PHLDB2: variants seen among roughly 807,000 people sequenced by gnomAD.
PHLDB2 encodes pleckstrin homology like domain family B member 2, also known as pleckstrin homology-like domain family B member 2.
PHLDB2 carries 71 observed loss-of-function variants against 123.6 expected under a neutral mutation model. That is an observed-to-expected ratio of 0.57 (90% CI 0.47 to 0.70). The LOEUF is 0.70. Ranked by LOEUF, PHLDB2 falls within the 30% of genes least tolerant of loss-of-function variation. The pLI is 0.00. For missense variants in PHLDB2, 1,446 were observed against 1,519.5 expected, an observed-to-expected ratio of 0.95 and a Z score of 0.80; for synonymous variants, 547 against 541.6, an observed-to-expected ratio of 1.01 and a Z score of -0.14.
intron 3 of PHLDB2, 165 bp downstream of exon 3, chr3:111,913,867 T>A (rs774103772): frequency 1.0e-5 from 9 of 893,810 alleles, no homozygotes; most frequent in Non-Finnish European, 1.5e-5. Flanking sequence ...TTAGGGTGTT[T>A]ACTGTAAAGT....
intron 1 of PHLDB2, among the ~76,000 whole-genome samples, chr3:111,794,818 C>G (rs2061084496): frequency 6.6e-6 from 1 of 152,126 alleles, no homozygotes; most frequent in South Asian, 2.1e-4. Context: ...TTGCTTGAGG[C>G]CTGCTCACTT....
At chr3:111,911,909 T>A (rs923089367) in intron 2 of PHLDB2, among the ~76,000 whole-genome samples, 5 of 152,214 alleles carry the variant, frequency 3.3e-5, no homozygotes, top group Non-Finnish European at 7.3e-5. Context: ...CCTATTTGAC[T>A]TTTCTACTTG....
At chr3:111,875,235 G>A (rs1007569385) in intron 1 of PHLDB2, among the ~76,000 whole-genome samples, 2 of 151,828 alleles carry the variant, frequency 1.3e-5, no homozygotes, top group African/African-American at 2.4e-5. Flanking sequence ...CACAACCTCC[G>A]CCTCCCGGGT....
At chr3:111,793,275 C>T (rs1336984758) in intron 1 of PHLDB2, among the ~76,000 whole-genome samples, 1 of 152,146 alleles carries the variant, frequency 6.6e-6, no homozygotes, top group Non-Finnish European at 1.5e-5. Flanking sequence ...TCTTCCCTCC[C>T]CTTTCCTCAA....
rs755714250 is a variant in PHLDB2, at chr3:111,884,247, G to C, written c.170G>C (p.Gly57Ala). ...LRFKANGDYS[G>A]SYLTLSQPVP... ...TTTAAAGCCAATGGAGACTATTCTG[G>C]CTCCTATTTAACCCTCTCACAACCT... Residue 57 changes from glycine (G) to alanine (A), a missense_variant, in exon 2 of 18, where the codon GGC (glycine) becomes GCC (alanine). Gly to Ala is a moderately conservative substitution (Grantham distance 60, BLOSUM62 0). Around this residue, in one of 3 missense-constraint regions of PHLDB2, gnomAD observed 832 missense variants for 831.9 expected, o/e 1.00. Coordinates refer to ENST00000431670, the MANE Select transcript of PHLDB2 (RefSeq NM_001134438.2). The C allele has an allele frequency of 3.4e-5, 55 of 1,613,840 alleles. No homozygotes were observed. Among genetic ancestry groups the C allele is most frequent in the Non-Finnish European group, 4.4e-5 (52 of 1,179,884 alleles).
intron 1 of PHLDB2, among the ~76,000 whole-genome samples, chr3:111,768,415 G>A (rs184681611): frequency 2.0e-5 from 3 of 152,254 alleles, no homozygotes; most frequent in African/African-American, 7.2e-5. Flanking sequence ...CTATTATGAT[G>A]GGTGTGTAGA....
chr3:111,773,641 A>G (rs531931990), intron 1 of PHLDB2, among the ~76,000 whole-genome samples: 1 of 152,310 alleles, frequency 6.6e-6, no homozygotes, highest in Admixed American at 6.5e-5. Flanking sequence ...GCCTTGATAT[A>G]TCCCTTGACT....
intron 3 of PHLDB2, chr3:111,916,826 C>T (rs1577077461): frequency 6.6e-6 from 1 of 152,274 alleles, no homozygotes; most frequent in East Asian, 1.9e-4. Context: ...TATCATCTCT[C>T]CCCTTTCCTG....
At chr3:111,958,828 C>CTTTG (rs1459529651) in intron 12 of PHLDB2, 1 of 429,158 alleles carries the variant, frequency 2.3e-6, no homozygotes, top group East Asian at 7.1e-5. Context: ...TCTCATTTTT[C>CTTTG]CCAATCTTGT....
At chr3:111,831,041 GGA>G (rs2063006069) in intron 1 of PHLDB2, among the ~76,000 whole-genome samples, 1 of 115,780 alleles carries the variant, frequency 8.6e-6, no homozygotes, top group African/African-American at 4.7e-5. Context: ...AAGGAAGGAA[GGA>G]AGAAAGAGAA....
intron 1 of PHLDB2, among the ~76,000 whole-genome samples, chr3:111,812,589 G>A (rs556835494): frequency 2.2e-4 from 33 of 152,260 alleles, no homozygotes; most frequent in Non-Finnish European, 2.9e-4. Flanking sequence ...ACCATCTCCA[G>A]GCTTAGGATG....
In PHLDB2 at chr3:111,834,226, A is replaced by G. The variant is rs1189383442; in HGVS notation, c.-48-11595A>G. Among the ~76,000 whole-genome samples the G allele has an allele frequency of 3.8e-4, 35 of 92,952 alleles. 1 individual carries two copies. The highest frequency in any genetic ancestry group is 5.1e-4 in the Non-Finnish European group (29 of 56,892). 61.0% of individuals were successfully genotyped at this position (92,952 alleles called of 152,430 possible). ...TTATATATGTAATAGAATTATATATATATTATGTATATAATAGAATTATAT... is the reference window on the plus strand; with the variant it reads ...TTATATATGTAATAGAATTATATATGTATTATGTATATAATAGAATTATAT... On this transcript the variant is annotated intron_variant, in intron 1 of 17. Transcript: ENST00000393923.
intron 13 of PHLDB2, among the ~76,000 whole-genome samples, chr3:111,965,333 C>G (rs1040561580): frequency 6.6e-6 from 1 of 152,202 alleles, no homozygotes; most frequent in Non-Finnish European, 1.5e-5. Context: ...ATTCCTAAGA[C>G]AGTTCACTCC....
chr3:111,861,014 G>A (rs1576919531), intron 1 of PHLDB2, among the ~76,000 whole-genome samples: 1 of 152,142 alleles, frequency 6.6e-6, no homozygotes, highest in Non-Finnish European at 1.5e-5. Flanking sequence ...TATGTCTCTG[G>A]GATTCTAACG....
intron 2 of PHLDB2, among the ~76,000 whole-genome samples, chr3:111,901,800 ACTTC>A (rs2067221232): frequency 6.6e-6 from 1 of 152,186 alleles, no homozygotes; most frequent in Non-Finnish European, 1.5e-5. Flanking sequence ...CACTGTGCAG[ACTTC>A]CTTCTGGAAC....
At chr3:111,902,946 AG>A (rs1359711937) in intron 2 of PHLDB2, among the ~76,000 whole-genome samples, 1 of 152,158 alleles carries the variant, frequency 6.6e-6, no homozygotes, top group Non-Finnish European at 1.5e-5. Context: ...CAATTTATTC[AG>A]TTTTTATTTT....
At chr3:111,780,151 A>G (rs1157511124) in intron 1 of PHLDB2, among the ~76,000 whole-genome samples, 1 of 150,980 alleles carries the variant, frequency 6.6e-6, no homozygotes, top group Non-Finnish European at 1.5e-5. Flanking sequence ...TTTAATTGCC[A>G]TTGCAACCAC....
chr3:111,780,556 GT>G (rs1576577302), intron 1 of PHLDB2, among the ~76,000 whole-genome samples: 1 of 151,620 alleles, frequency 6.6e-6, no homozygotes, highest in Non-Finnish European at 1.5e-5. Flanking sequence ...AAATAAATCT[GT>G]TTTCTTTATA....
chr3:111,923,692 C>G (rs897682240), intron 5 of PHLDB2, among the ~76,000 whole-genome samples: 3 of 152,144 alleles, frequency 2.0e-5, no homozygotes, highest in Admixed American at 2.0e-4. Context: ...CATCTCTATT[C>G]ACCTATATGT....
Sources: allele counts gnomAD v4.1 joint callset (sites outside exome capture counted in the v4.1 genomes callset), GRCh38; gene constraint gnomAD v4.1.1; regional missense constraint gnomAD v4.1.1; transcripts MANE v1.5; gene names NCBI Gene and HGNC (gene_info 2026-07-23, HGNC 2026-07-21).